EXOSC2: variants seen among roughly 807,000 people sequenced by gnomAD.
EXOSC2 encodes the protein exosome component 2.
EXOSC2 carries 29 observed loss-of-function variants against 37.6 expected under a neutral mutation model. The ratio of observed to expected loss-of-function variants is 0.77; its 90% CI spans 0.57 to 1.05. EXOSC2 has a LOEUF of 1.05. Among genes scored for constraint, EXOSC2 ranks in the 50% least tolerant of loss-of-function variants. The probability of loss-of-function intolerance (pLI) is 0.00; values close to 1 mark genes in which losing one functional copy is unlikely to be tolerated. For synonymous variants in EXOSC2, 119 were observed against 131.1 expected, an observed-to-expected ratio of 0.91 and a Z score of 0.63; for missense variants, 346 against 365.6, an observed-to-expected ratio of 0.95 and a Z score of 0.44.
Position 130,694,243 on chromosome 9 carries a change from C to T in EXOSC2, c.122+330C>T, listed in dbSNP as rs1296265621. Among the ~76,000 whole-genome samples, 4 of 152,098 alleles carry T rather than the reference C, an allele frequency of 2.6e-5. No individual in the cohort carries two copies. The highest frequency in any genetic ancestry group is 9.7e-5 in the African/African-American group (4 of 41,422). ...GGGAGGGTTAGGTGCAGGCTCTTTTCCAGTTTTCAGCTCTCTGAGGGGACG... is the reference window on the plus strand; with the variant it reads ...GGGAGGGTTAGGTGCAGGCTCTTTTTCAGTTTTCAGCTCTCTGAGGGGACG... On this transcript the variant is annotated intron_variant, in intron 1 of 8. Coordinates refer to ENST00000372358, the MANE Select transcript of EXOSC2 (RefSeq NM_014285.7). The surrounding 1 kb of genome is among the most constrained non-coding windows in gnomAD (Gnocchi z 4.0).
intron 2 of EXOSC2, among the ~76,000 whole-genome samples, chr9:130,696,063 A>G (rs1170204033): frequency 6.6e-6 from 1 of 151,924 alleles, no homozygotes; most frequent in Non-Finnish European, 1.5e-5. Context: ...GGGTTTCACC[A>G]TGTTGGCCAG....
intron 8 of EXOSC2, 97 bp downstream of exon 8, chr9:130,703,278 C>G (rs1384431735): frequency 1.4e-6 from 2 of 1,405,750 alleles, no homozygotes; most frequent in Non-Finnish European, 1.9e-6. Flanking sequence ...ACTTTCCCAA[C>G]ATCCGTCAGT....
At chr9:130,702,085 T>C in intron 6 of EXOSC2, 49 bp from the exon 7 acceptor site, 1 of 1,590,030 alleles carries the variant, frequency 6.3e-7, no homozygotes. Flanking sequence ...TCCTTTTCAT[T>C]CATCCCGCCA....
At chr9:130,695,379 C>A in intron 1 of EXOSC2, 113 bp from the exon 2 acceptor site, 1 of 873,340 alleles carries the variant, frequency 1.1e-6, no homozygotes, top group Non-Finnish European at 1.9e-6. Context: ...AGCACAGAAG[C>A]CACGCTTTGC....
In EXOSC2 at chr9:130,700,893, C is replaced by T. The variant is rs370896785; in HGVS notation, c.453C>T (p.Asp151=). The stretch of plus-strand genomic sequence containing the variant: ...CTGAGGTCCAGGCAGTGTTCTCTGA[C>T]GGAGCTGTCTCTTTGCACACGAGGA... ...ISAEVQAVFS[D]GAVSLHTRSL... is the part of the protein sequence containing the mutation. The change falls in exon 6 of 9, where the codon GAC becomes GAT. Residue 151 remains aspartate (D), a synonymous_variant. Coordinates refer to ENST00000372358, the MANE Select transcript of EXOSC2 (RefSeq NM_014285.7). 165 of 1,613,942 alleles carry T rather than the reference C, an allele frequency of 1.0e-4. 1 individual carries two copies. Among genetic ancestry groups the T allele is most frequent in the Admixed American group, 5.7e-4 (34 of 59,978 alleles).
chr9:130,700,334 TTTA>T (rs1174898639), intron 5 of EXOSC2, among the ~76,000 whole-genome samples: 1 of 117,478 alleles, frequency 8.5e-6, no homozygotes, highest in Non-Finnish European at 1.8e-5. Flanking sequence ...CTTTATTTTA[TTTA>T]TTTATTTATT....
rs1242836038 is a variant in EXOSC2, at chr9:130,703,766, G to T, written c.874G>T (p.Glu292Ter). Residue 292 changes from glutamate (E) to a stop codon, truncating the protein, a stop_gained, in exon 9 of 9, where the codon GAG becomes TAG. Transcript: ENST00000372358. LOFTEE classifies it high-confidence loss of function. ...AACACGCCAGAGGCTTTTGGAACAG[G>T]AGGGATAAGGAGGTGCTCCAGAAGC... ...METRQRLLEQ[E>*]G 1.2e-6 allele frequency: 2 copies of T among 1,613,200 alleles called. No homozygotes were observed. The highest frequency in any genetic ancestry group is 2.2e-5 in the East Asian group (1 of 44,884).
chr9:130,696,988 A>G (rs1158341867), intron 2 of EXOSC2, among the ~76,000 whole-genome samples: 1 of 152,164 alleles, frequency 6.6e-6, no homozygotes, highest in Non-Finnish European at 1.5e-5. Context: ...TAGATGGCAG[A>G]GTTGGGTAGC....
intron 8 of EXOSC2, 70 bp downstream of exon 8, chr9:130,703,251 A>G: frequency 1.3e-6 from 2 of 1,526,428 alleles, no homozygotes; most frequent in South Asian, 1.2e-5. Flanking sequence ...CAGAGACAAT[A>G]TGCACATCTC....
chr9:130,704,144 G>C lies in EXOSC2; in HGVS notation c.*370G>C, dbSNP rs147558501. ...ATGAAATTGCCCCAATAGAAAACAT[G>C]GCATCCCTGACCTCCAAATGGTCTG... On this transcript the variant is annotated 3_prime_UTR_variant, in exon 9 of 9. Coordinates refer to ENST00000372358, the MANE Select transcript of EXOSC2 (RefSeq NM_014285.7). 7.4e-4 allele frequency: 121 copies of C among 164,060 alleles called. No homozygotes were observed. The highest frequency in any genetic ancestry group is 1.3e-3 in the Non-Finnish European group (99 of 76,048). The allele number at this position is 164,060 out of a possible 1,614,324, so 10.2% of individuals were successfully genotyped here.
chr9:130,697,675 G>A (rs1200999582), intron 3 of EXOSC2, 48 bp downstream of exon 3: 14 of 1,564,476 alleles, frequency 8.9e-6, no homozygotes, highest in South Asian at 7.8e-5. Context: ...GCAGGCTGGC[G>A]ATTTCATTCA....
In EXOSC2 at chr9:130,701,916, G is replaced by A. The variant is rs570455411; in HGVS notation, c.496-218G>A. The A allele has an allele frequency of 1.6e-4, 214 of 1,371,498 alleles. No homozygotes were observed. The Middle Eastern group carries it at 2.5e-3, about 16-fold the overall frequency. 85.0% of individuals were successfully genotyped at this position (1,371,498 alleles called of 1,614,324 possible). On this transcript the variant is annotated intron_variant, in intron 6 of 8. Transcript: ENST00000372358. ...GACTGCAAAGGGAAATGACAGAGAA[G>A]AGTATTGAAGGTCACCTTCTGCTGG...
rs1831273681 is a variant in EXOSC2, at chr9:130,703,972, T to C, written c.*198T>C. On this transcript the variant is annotated 3_prime_UTR_variant, in exon 9 of 9. Coordinates refer to ENST00000372358, the MANE Select transcript of EXOSC2 (RefSeq NM_014285.7). ...TGGGTGGCAGATGAACAGTGCTTCCTTGGGTTGCCAGCTGAGTCCCGGTAT... is the reference window on the plus strand; with the variant it reads ...TGGGTGGCAGATGAACAGTGCTTCCCTGGGTTGCCAGCTGAGTCCCGGTAT... 2.2e-6 allele frequency: 1 copy of C among 451,590 alleles called. No individual in the cohort carries two copies. The highest frequency in any genetic ancestry group is 3.9e-6 in the Non-Finnish European group (1 of 254,528). The allele number at this position is 451,590 out of a possible 1,614,324, so 28.0% of individuals were successfully genotyped here. A position where few individuals can be genotyped will look rare whatever the true frequency, so the allele number is the denominator to read the frequency against.
Position 130,694,050 on chromosome 9 carries a change from C to G in EXOSC2, c.122+137C>G, listed in dbSNP as rs989432049. 4.0e-6 allele frequency: 4 copies of G among 989,858 alleles called. No homozygotes were observed. Among genetic ancestry groups the G allele is most frequent in the African/African-American group, 3.3e-5 (2 of 59,946 alleles). 61.3% of individuals were successfully genotyped at this position (989,858 alleles called of 1,614,324 possible). On this transcript the variant is annotated intron_variant, in intron 1 of 8. Coordinates refer to ENST00000372358, the MANE Select transcript of EXOSC2 (RefSeq NM_014285.7). The surrounding 1 kb of genome is among the most constrained non-coding windows in gnomAD (Gnocchi z 4.0). ...CTTCGTCTGAGCATCCTACACACCT[C>G]GCTTCCGAGCCTCGTGCTTCTTGCT...
At chr9:130,701,984 AATGTGTACT>A in intron 6 of EXOSC2, 141 bp from the exon 7 acceptor site, 1 of 1,437,648 alleles carries the variant, frequency 7.0e-7, no homozygotes, top group Non-Finnish European at 9.1e-7. Context: ...TCTCTGCAAA[AATGTGTACT>A]ATGTGTATGC....
At position 130,703,037 on chromosome 9, in the gene EXOSC2, C is replaced by A; in HGVS notation, c.673-16C>A. ...CCTGTTTGTATTTCCCTTCCCCTCT[C>A]TGTGTCTCCTTATAGCCTGTCTCTC... is the stretch of plus-strand genomic sequence containing the variant. On this transcript the variant is annotated splice_polypyrimidine_tract_variant and intron_variant, in intron 7 of 8. Transcript: ENST00000372358. 6.2e-7 allele frequency: 1 copy of A among 1,605,058 alleles called. No individual in the cohort carries two copies.
At chr9:130,701,050 G>A in intron 6 of EXOSC2, 115 bp downstream of exon 6, 1 of 929,830 alleles carries the variant, frequency 1.1e-6, no homozygotes, top group Non-Finnish European at 1.7e-6. Flanking sequence ...AGCATTAATA[G>A]AGGCTGGCAT....
Position 130,703,031 on chromosome 9 carries a change from CCCT to C in EXOSC2, c.673-20_673-18del, listed in dbSNP as rs1831252210. 1 of 1,599,586 alleles carries C rather than the reference CCCT, an allele frequency of 6.3e-7. No homozygotes were observed. The highest frequency in any genetic ancestry group is 2.2e-5 in the East Asian group (1 of 44,488). On this transcript the variant is annotated intron_variant, in intron 7 of 8. Coordinates refer to ENST00000372358, the MANE Select transcript of EXOSC2 (RefSeq NM_014285.7). ...TTTGGTCCTGTTTGTATTTCCCTTCCCCTCTCTGTGTCTCCTTATAGCCTGTCT... is the reference window on the plus strand; with the variant it reads ...TTTGGTCCTGTTTGTATTTCCCTTCCCTCTGTGTCTCCTTATAGCCTGTCT...
At chr9:130,702,047 A>G in intron 6 of EXOSC2, 87 bp from the exon 7 acceptor site, 1 of 1,494,288 alleles carries the variant, frequency 6.7e-7, no homozygotes, top group Non-Finnish European at 8.9e-7. Flanking sequence ...ACCAATTTGA[A>G]TATACTTAGG....
Sources: gnomAD v4.1 joint callset for allele counts (sites outside exome capture counted in the v4.1 genomes callset) on GRCh38, gnomAD v4.1.1 for gene constraint, Gnocchi (gnomAD v3.1) non-coding constraint, MANE v1.5 for transcripts, NCBI Gene and HGNC (gene_info 2026-07-23, HGNC 2026-07-21) for gene names.